Variants in GABRA3 observed in about 807,000 individuals in gnomAD.
GABRA3 encodes the protein gamma-aminobutyric acid type A receptor subunit alpha3.
GABRA3 carries 10 observed loss-of-function variants against 30.1 expected under a neutral mutation model. The observed-to-expected ratio is 0.33, with a 90% confidence interval of 0.20 to 0.56. GABRA3 has a LOEUF of 0.56. Ranked by LOEUF, GABRA3 falls within the 20% of genes least tolerant of loss-of-function variation. The pLI, the probability that GABRA3 is intolerant of heterozygous loss-of-function variation, is 0.89. For synonymous variants in GABRA3, 151 were observed against 146.8 expected, an observed-to-expected ratio of 1.03 and a Z score of -0.21; for missense variants, 233 against 392.0, an observed-to-expected ratio of 0.59 and a Z score of 3.42.
chrX:152,231,214 T>C (rs904814157), intron 5 of GABRA3, among the ~76,000 whole-genome samples: 3 of 107,908 alleles, frequency 2.8e-5, no homozygotes, highest in African/African-American at 1.0e-4. Flanking sequence ...TGTATATATA[T>C]ACATACACGT....
chrX:152,305,495 A>G (rs1603238309), intron 3 of GABRA3, among the ~76,000 whole-genome samples: 1 of 111,694 alleles, frequency 9.0e-6, no homozygotes, highest in East Asian at 2.8e-4. Context: ...CCTGACACAC[A>G]TATTTAAATT....
intron 1 of GABRA3, among the ~76,000 whole-genome samples, chrX:152,412,989 C>T (rs188431891): frequency 1.5e-3 from 169 of 111,108 alleles, no homozygotes; most frequent in Non-Finnish European, 2.5e-3. Flanking sequence ...AAGAAAGACA[C>T]GACTCTATGA....
At chrX:152,433,976 T>G (rs1456709905) in intron 1 of GABRA3, among the ~76,000 whole-genome samples, 2 of 111,816 alleles carry the variant, frequency 1.8e-5, no homozygotes, top group Admixed American at 1.9e-4. Flanking sequence ...TGAGAAGAAA[T>G]AGATAATCTA....
chrX:152,168,363 G>A lies in GABRA3; in HGVS notation c.1344C>T (p.Thr448=). 1.7e-6 allele frequency: 2 copies of A among 1,211,932 alleles called. No homozygotes were observed. The highest frequency in any genetic ancestry group is 2.2e-6 in the Non-Finnish European group (2 of 895,477). ...YVQDSPTETK[T]YNSVSKVDKI... ...TGTCAACCTTGCTGACACTGTTGTAGGTCTTGGTCTCAGTCGGGCTGTCCT... is the reference window on the plus strand; with the variant it reads ...TGTCAACCTTGCTGACACTGTTGTAAGTCTTGGTCTCAGTCGGGCTGTCCT... The change falls in exon 10 of 10, where the codon ACC becomes ACT. Residue 448 remains threonine, a synonymous_variant. Coordinates refer to ENST00000370314, the MANE Select transcript of GABRA3 (RefSeq NM_000808.4).
intron 3 of GABRA3, among the ~76,000 whole-genome samples, chrX:152,297,443 C>A (rs1447040981): frequency 6.2e-5 from 7 of 112,187 alleles, no homozygotes; most frequent in African/African-American, 2.3e-4. Context: ...TTTCAATTGT[C>A]AATTCAAATG....
At chrX:152,396,937 T>G (rs1245872407) in intron 1 of GABRA3, among the ~76,000 whole-genome samples, 1 of 112,125 alleles carries the variant, frequency 8.9e-6, no homozygotes, top group Non-Finnish European at 1.9e-5. Context: ...GAGCAGATAC[T>G]TATAATTCAG....
chrX:152,260,072 G>A (rs1938703384), intron 4 of GABRA3, among the ~76,000 whole-genome samples: 1 of 110,048 alleles, frequency 9.1e-6, no homozygotes, highest in African/African-American at 3.3e-5. Flanking sequence ...GAGCTTTTGG[G>A]CCTTAAGGGA....
At chrX:152,432,965 TGAAG>T (rs1166304751) in intron 1 of GABRA3, among the ~76,000 whole-genome samples, 1 of 110,157 alleles carries the variant, frequency 9.1e-6, no homozygotes, top group Non-Finnish European at 1.9e-5. Context: ...CCAAAAAAGA[TGAAG>T]GAGAGAAAAG....
At chrX:152,237,909 T>G (rs1261528705) in intron 5 of GABRA3, among the ~76,000 whole-genome samples, 2 of 110,642 alleles carry the variant, frequency 1.8e-5, no homozygotes, top group African/African-American at 6.6e-5. Flanking sequence ...CAATGGGGTT[T>G]TCTAGATATA....
intron 1 of GABRA3, among the ~76,000 whole-genome samples, chrX:152,444,872 T>A (rs1660424617): frequency 1.1e-5 from 1 of 93,101 alleles, no homozygotes; most frequent in South Asian, 5.5e-4. Flanking sequence ...CCATCCCGGC[T>A]AAAACGGTGA....
chrX:152,392,070 G>T (rs1929499829), intron 1 of GABRA3: 1 of 235,456 alleles, frequency 4.2e-6, no homozygotes, highest in Non-Finnish European at 8.6e-6. Flanking sequence ...TATTAAATAG[G>T]AGAACTGGGA....
intron 4 of GABRA3, among the ~76,000 whole-genome samples, chrX:152,275,216 A>ATATATATAAATTATATATATAATAT (rs1569378249): frequency 2.4e-4 from 12 of 49,618 alleles, no homozygotes; most frequent in African/African-American, 1.5e-3. Context: ...ATATAATATT[A>ATATATATAAATTATATATATAATAT]TATATATATA....
chrX:152,400,755 G>A (rs1403677033), intron 1 of GABRA3, among the ~76,000 whole-genome samples: 2 of 111,511 alleles, frequency 1.8e-5, no homozygotes, highest in Non-Finnish European at 3.8e-5. Context: ...AAGAGGAAGG[G>A]CAGAGTAAGA....
chrX:152,389,154 T>C (rs1929407470), intron 1 of GABRA3, among the ~76,000 whole-genome samples: 2 of 112,059 alleles, frequency 1.8e-5, no homozygotes, highest in South Asian at 3.7e-4. Flanking sequence ...TAGAAAGTAG[T>C]AGCTTTGGTC....
At chrX:152,411,140 T>C (rs753568709) in intron 1 of GABRA3, among the ~76,000 whole-genome samples, 1 of 111,089 alleles carries the variant, frequency 9.0e-6, no homozygotes, top group South Asian at 3.8e-4. Flanking sequence ...TGAGACACTG[T>C]ATCTACAAAA....
intron 6 of GABRA3, among the ~76,000 whole-genome samples, chrX:152,214,907 G>A (rs947525155): frequency 9.2e-6 from 1 of 108,985 alleles, no homozygotes; most frequent in African/African-American, 3.3e-5. Context: ...ACTTTTGTAT[G>A]TGGATTTTGT....
intron 3 of GABRA3, among the ~76,000 whole-genome samples, chrX:152,289,447 A>C (rs1487535029): frequency 1.9e-5 from 2 of 107,944 alleles, no homozygotes; most frequent in Non-Finnish European, 3.8e-5. Flanking sequence ...AAATGCCCCG[A>C]CTTATTTTGA....
At chrX:152,417,968 A>G (rs1342082214) in intron 1 of GABRA3, among the ~76,000 whole-genome samples, 1 of 105,622 alleles carries the variant, frequency 9.5e-6, no homozygotes, top group East Asian at 3.1e-4. Context: ...TGGCACATGT[A>G]TACATATGTA....
chrX:152,202,212 C>T (rs775413747), intron 7 of GABRA3, among the ~76,000 whole-genome samples: 8 of 111,913 alleles, frequency 7.1e-5, no homozygotes, highest in South Asian at 3.7e-4. Flanking sequence ...AGAACATCCA[C>T]GGATTGTGGG....
Sources: gnomAD v4.1 joint callset for allele counts (sites outside exome capture counted in the v4.1 genomes callset) on GRCh38, gnomAD v4.1.1 for gene constraint, MANE v1.5 for transcripts, NCBI Gene and HGNC (gene_info 2026-07-23, HGNC 2026-07-21) for gene names.